Variants in SMAD2 observed in about 807,000 individuals in gnomAD.
SMAD2 encodes the protein MAD homolog 2.
A neutral mutation model predicts 64.4 loss-of-function variants in SMAD2; 8 were observed. The observed-to-expected ratio is 0.12, with a 90% CI of 0.07 to 0.22. The LOEUF (loss-of-function observed/expected upper bound fraction) is 0.22. Among genes scored for constraint, SMAD2 ranks in the 10% least tolerant of loss-of-function variants. The pLI is 1.00. For missense variants in SMAD2, 289 were observed against 561.2 expected, an observed-to-expected ratio of 0.51 and a Z score of 4.90; for synonymous variants, 203 against 195.8, an observed-to-expected ratio of 1.04 and a Z score of -0.31.
At chr18:47,896,405 C>T in intron 2 of SMAD2, 116 bp downstream of exon 2, 1 of 1,033,348 alleles carries the variant, frequency 9.7e-7, no homozygotes, top group African/African-American at 1.6e-5. Context: ...AGGTTAAAAA[C>T]AGTCATATTT....
At position 47,819,442 on chromosome 18, in the gene SMAD2, A is replaced by G. The variant is rs1912488257; in HGVS notation, c.*22385T>C. ...CTCACAGGTAATAAAAATGGTTAAC[A>G]GGAAAATAACTTGAAATGACTAGCT... On this transcript the variant is annotated 3_prime_UTR_variant, in exon 11 of 11. Transcript: ENST00000262160. The G allele has an allele frequency of 6.6e-6, 1 of 152,240 alleles. No homozygotes were observed. Among genetic ancestry groups the G allele is most frequent in the South Asian group, 2.1e-4 (1 of 4,832 alleles). The allele number at this position is 152,240 out of a possible 1,614,324, so 9.4% of individuals were successfully genotyped here.
chr18:47,878,207 T>C (rs2032378036), intron 2 of SMAD2: 1 of 152,182 alleles, frequency 6.6e-6, no homozygotes, highest in Non-Finnish European at 1.5e-5. Flanking sequence ...TATAATTTTA[T>C]AAGAACACAC....
intron 1 of SMAD2, among the ~76,000 whole-genome samples, chr18:47,928,905 G>C (rs1332059116): frequency 1.3e-5 from 2 of 151,948 alleles, no homozygotes; most frequent in South Asian, 2.1e-4. Context: ...TAGTAAAAGT[G>C]GGCACACTCT....
chr18:47,884,250 T>C (rs2032765668), intron 2 of SMAD2, among the ~76,000 whole-genome samples: 1 of 152,304 alleles, frequency 6.6e-6, no homozygotes, highest in Non-Finnish European at 1.5e-5. Context: ...CCATCCCACA[T>C]ATAGTTCACA....
rs539364936 is a variant in SMAD2, at chr18:47,847,500, G to A, written c.997+975C>T. ...AAGGAAATACTGAGGACCCCAAAGA[G>A]CTTTTGTTTATGTGAATATTATGGA... On this transcript the variant is annotated intron_variant, in intron 8 of 10. Transcript: ENST00000262160. 6.3e-4 allele frequency among the ~76,000 whole-genome samples: 96 copies of A among 151,870 alleles called. 1 individual carries two copies. The South Asian group carries it at 7.3e-3, about 12-fold the overall frequency.
chr18:47,924,458 CTTTT>C (rs1165168415), intron 1 of SMAD2, among the ~76,000 whole-genome samples: 3 of 149,136 alleles, frequency 2.0e-5, no homozygotes, highest in Non-Finnish European at 3.0e-5. Flanking sequence ...CCCACATTTT[CTTTT>C]TTTTCTTTTT....
chr18:47,869,975 TATG>T (rs961559538), intron 3 of SMAD2, among the ~76,000 whole-genome samples: 19 of 152,098 alleles, frequency 1.2e-4, no homozygotes, highest in Admixed American at 6.6e-5. Flanking sequence ...TGGTGATGAA[TATG>T]ATGAGATGAA....
Position 47,820,200 on chromosome 18 carries a change from T to C in SMAD2, c.*21627A>G, listed in dbSNP as rs1912522621. The stretch of plus-strand genomic sequence containing the variant: ...GAAAGACTAAATATATTTGGGCCTA[T>C]TAATATACAAAGTTATAAGGAAACA... On this transcript the variant is annotated 3_prime_UTR_variant, in exon 11 of 11. Transcript: ENST00000262160. The C allele has an allele frequency of 6.6e-6, 1 of 152,172 alleles. No homozygotes were observed. The highest frequency in any genetic ancestry group is 1.5e-5 in the Non-Finnish European group (1 of 68,038). The allele number at this position is 152,172 out of a possible 1,614,324, so 9.4% of individuals were successfully genotyped here.
intron 10 of SMAD2, chr18:47,845,031 G>A (rs541558766): frequency 1.4e-5 from 8 of 558,738 alleles, no homozygotes; most frequent in East Asian, 1.2e-4. Context: ...AGTTTTCCTT[G>A]AGCACCGTGT....
intron 2 of SMAD2, among the ~76,000 whole-genome samples, chr18:47,893,543 C>T (rs1475967380): frequency 6.6e-6 from 1 of 152,252 alleles, no homozygotes; most frequent in South Asian, 2.1e-4. Context: ...GCTTACAAAT[C>T]CATTGTGTAT....
intron 1 of SMAD2, among the ~76,000 whole-genome samples, chr18:47,910,481 G>C (rs930006119): frequency 6.6e-6 from 1 of 152,184 alleles, no homozygotes; most frequent in East Asian, 1.9e-4. Context: ...AAAGGTGTAA[G>C]GAGGACTGGT....
chr18:47,917,241 A>G (rs917278182), intron 1 of SMAD2, among the ~76,000 whole-genome samples: 2 of 152,246 alleles, frequency 1.3e-5, no homozygotes, highest in East Asian at 1.9e-4. Flanking sequence ...ACTGAGAGGT[A>G]TATTAAAATT....
chr18:47,849,037 A>C (rs972566648), intron 7 of SMAD2, among the ~76,000 whole-genome samples: 1 of 152,214 alleles, frequency 6.6e-6, no homozygotes, highest in Non-Finnish European at 1.5e-5. Context: ...TACTTGGTGC[A>C]TTTCTAAAGC....
intron 1 of SMAD2, among the ~76,000 whole-genome samples, chr18:47,910,051 T>C (rs555595385): frequency 7.0e-4 from 106 of 151,680 alleles, no homozygotes; most frequent in Non-Finnish European, 1.2e-3. Flanking sequence ...GAAAAAACCA[T>C]GAAAGCCATC....
In SMAD2 at chr18:47,828,801, C is replaced by A; in HGVS notation, c.*13026G>T. 5.6e-6 allele frequency: 1 copy of A among 177,372 alleles called. No individual in the cohort carries two copies. Among genetic ancestry groups the A allele is most frequent in the Non-Finnish European group, 1.1e-5 (1 of 88,686 alleles). 11.0% of individuals were successfully genotyped at this position (177,372 alleles called of 1,614,324 possible). On this transcript the variant is annotated 3_prime_UTR_variant, in exon 11 of 11. Coordinates refer to ENST00000262160, the MANE Select transcript of SMAD2 (RefSeq NM_005901.6). ...CCAGGGACACAAACACTGCAGAAGG[C>A]CGCAGGGTCCTCTGCCTAGGAAAAC...
chr18:47,830,860 A>G lies in SMAD2; in HGVS notation c.*10967T>C, dbSNP rs185086578. ...GGCCTCTGATTTGCTACTTATTAGA[A>G]AAATCCACATATATACAAAACTCTG... On this transcript the variant is annotated 3_prime_UTR_variant, in exon 11 of 11. Transcript: ENST00000262160. The G allele has an allele frequency of 6.4e-6, 1 of 156,374 alleles. No homozygotes were observed. The highest frequency in any genetic ancestry group is 1.6e-4 in the East Asian group (1 of 6,276). 9.7% of individuals were successfully genotyped at this position (156,374 alleles called of 1,614,324 possible).
intron 2 of SMAD2, among the ~76,000 whole-genome samples, chr18:47,884,532 AT>A: frequency 6.6e-6 from 1 of 152,336 alleles, no homozygotes; most frequent in East Asian, 1.9e-4. Context: ...AACTGGTATA[AT>A]ATCCCAGGTA....
At chr18:47,881,446 A>G (rs1484701273) in intron 2 of SMAD2, among the ~76,000 whole-genome samples, 1 of 152,258 alleles carries the variant, frequency 6.6e-6, no homozygotes, top group Non-Finnish European at 1.5e-5. Flanking sequence ...GAATCTATAA[A>G]GTGCAGCCTT....
rs139424914 is a variant in SMAD2, at chr18:47,820,396, A to G, written c.*21431T>C. The G allele has an allele frequency of 4.1e-4, 63 of 152,330 alleles. No homozygotes were observed. The highest frequency in any genetic ancestry group is 1.5e-3 in the African/African-American group (61 of 41,590). The allele number at this position is 152,330 out of a possible 1,614,324, so 9.4% of individuals were successfully genotyped here. On this transcript the variant is annotated 3_prime_UTR_variant, in exon 11 of 11. Transcript: ENST00000262160. ...AAAAGATGTTTTGATGAGAAAAGTT[A>G]TAAGGCATAAAAATTGCTTTTTATT...
Sources: allele counts gnomAD v4.1 joint callset (sites outside exome capture counted in the v4.1 genomes callset), GRCh38; gene constraint gnomAD v4.1.1; transcripts MANE v1.5; gene names NCBI Gene and HGNC (gene_info 2026-07-23, HGNC 2026-07-21).